SLC39A11: variants seen among roughly 807,000 people sequenced by gnomAD.
The protein encoded by SLC39A11 is solute carrier family 39 member 11.
SLC39A11 carries 33 observed loss-of-function variants against 36.1 expected under a neutral mutation model. That is an observed-to-expected ratio of 0.91 (90% CI 0.69 to 1.22). The LOEUF is 1.22. Among genes scored for constraint, SLC39A11 ranks in the 50% most tolerant of loss-of-function variants. The pLI is 0.00. For synonymous variants in SLC39A11, 166 were observed against 170.3 expected, an observed-to-expected ratio of 0.97 and a Z score of 0.20; for missense variants, 432 against 430.3, an observed-to-expected ratio of 1.00 and a Z score of -0.03.
chr17:72,843,349 G>A (rs183475727), intron 6 of SLC39A11, among the ~76,000 whole-genome samples: 56 of 152,234 alleles, frequency 3.7e-4, no homozygotes, highest in African/African-American at 1.3e-3. Flanking sequence ...GTGGTCTCAA[G>A]GTTTATGTCT....
intron 3 of SLC39A11, among the ~76,000 whole-genome samples, chr17:73,046,308 G>T (rs1338352196): frequency 2.6e-5 from 4 of 152,110 alleles, no homozygotes; most frequent in African/African-American, 9.7e-5. Flanking sequence ...TGAAAATACA[G>T]GTTCTGAAAG....
chr17:73,011,909 G>A (rs1434122743), intron 4 of SLC39A11, among the ~76,000 whole-genome samples: 1 of 150,516 alleles, frequency 6.6e-6, no homozygotes, highest in Non-Finnish European at 1.5e-5. Context: ...TGATCCACAC[G>A]CCTCGGCCTC....
chr17:72,714,067 T>C (rs1165618339), intron 7 of SLC39A11, among the ~76,000 whole-genome samples: 3 of 152,160 alleles, frequency 2.0e-5, no homozygotes, highest in Non-Finnish European at 4.4e-5. Context: ...CTGGGTGCAG[T>C]GGCTCAGGCC....
chr17:72,749,683 G>C (rs747231689), intron 6 of SLC39A11, among the ~76,000 whole-genome samples: 1 of 152,112 alleles, frequency 6.6e-6, no homozygotes, highest in African/African-American at 2.4e-5. Flanking sequence ...GCTTTGCTAA[G>C]TGCCACCCCA....
chr17:73,022,334 C>A (rs904223689), intron 4 of SLC39A11, among the ~76,000 whole-genome samples: 2 of 152,174 alleles, frequency 1.3e-5, no homozygotes, highest in African/African-American at 4.8e-5. Context: ...GTGGCTCATG[C>A]CAGTAATCCC....
intron 6 of SLC39A11, among the ~76,000 whole-genome samples, chr17:72,816,144 T>G (rs1339734858): frequency 1.3e-5 from 2 of 152,232 alleles, no homozygotes; most frequent in Non-Finnish European, 2.9e-5. Context: ...CTTATTTCTG[T>G]AGGCTGAGGA....
intron 6 of SLC39A11, among the ~76,000 whole-genome samples, chr17:72,761,259 C>T (rs2075567321): frequency 2.0e-5 from 3 of 152,090 alleles, no homozygotes; most frequent in Non-Finnish European, 2.9e-5. Context: ...GGATTACAGG[C>T]ACCCGCCACC....
At chr17:72,719,046 C>T (rs967366107) in intron 7 of SLC39A11, among the ~76,000 whole-genome samples, 1 of 151,382 alleles carries the variant, frequency 6.6e-6, no homozygotes, top group Non-Finnish European at 1.5e-5. Flanking sequence ...GAAGACCAGC[C>T]TTGGCAACAT....
At chr17:73,083,565 T>C (rs1201137922) in intron 3 of SLC39A11, among the ~76,000 whole-genome samples, 1 of 152,068 alleles carries the variant, frequency 6.6e-6, no homozygotes, top group Admixed American at 6.5e-5. Flanking sequence ...GCCTGAAAAA[T>C]GGAATCTGAA....
At chr17:72,754,254 A>T (rs2075285122) in intron 6 of SLC39A11, among the ~76,000 whole-genome samples, 1 of 152,038 alleles carries the variant, frequency 6.6e-6, no homozygotes. Context: ...ATGAGGATGC[A>T]AAGGCATACG....
chr17:72,862,075 C>A (rs540342157), intron 5 of SLC39A11, among the ~76,000 whole-genome samples: 3 of 152,180 alleles, frequency 2.0e-5, no homozygotes, highest in African/African-American at 7.2e-5. Flanking sequence ...AAGGGAAATA[C>A]ATCTCTTTCT....
Position 72,796,480 on chromosome 17 carries a change from C to T in SLC39A11, c.601+53154G>A, listed in dbSNP as rs1242144423. 5.9e-5 allele frequency among the ~76,000 whole-genome samples: 9 copies of T among 152,140 alleles called. No homozygotes were observed. In the East Asian group the frequency reaches 9.6e-4, roughly 16 times the overall value. The stretch of plus-strand genomic sequence containing the variant: ...CACCCTCCCCGTGGAGCTGGGCTTC[C>T]AGGATCAACCACACAGCAGTCTGAG... On this transcript the variant is annotated intron_variant, in intron 6 of 9. Transcript: ENST00000255559.
chr17:73,049,607 G>T (rs759910586), intron 3 of SLC39A11, among the ~76,000 whole-genome samples: 5 of 152,220 alleles, frequency 3.3e-5, no homozygotes, highest in Non-Finnish European at 5.9e-5. Flanking sequence ...GGCAGTTAAA[G>T]AATCTCAAAT....
rs547114385 is a variant in SLC39A11, at chr17:72,857,789, G to A, written c.431-7985C>T. On this transcript the variant is annotated intron_variant, in intron 5 of 9. Coordinates refer to ENST00000255559, the MANE Select transcript of SLC39A11 (RefSeq NM_139177.4). The stretch of plus-strand genomic sequence containing the variant: ...GTTGGCCACATCTATGTCTTCTTTC[G>A]AAAAGTGTTCGTGTCCTCTGCTCAC... Among the ~76,000 whole-genome samples, 8 of 152,138 alleles carry A rather than the reference G, an allele frequency of 5.3e-5. No homozygotes were observed. The East Asian group carries it at 1.2e-3, about 22-fold the overall frequency.
chr17:72,887,746 T>C (rs981304256), intron 5 of SLC39A11, among the ~76,000 whole-genome samples: 2 of 151,980 alleles, frequency 1.3e-5, no homozygotes, highest in African/African-American at 2.4e-5. Flanking sequence ...AAATTGTGGC[T>C]ATTTGTGTAC....
At chr17:73,032,458 C>T (rs963492603) in intron 3 of SLC39A11, among the ~76,000 whole-genome samples, 26 of 152,134 alleles carry the variant, frequency 1.7e-4, no homozygotes, top group African/African-American at 5.6e-4. Context: ...CCACCCACCT[C>T]GGCCTCCCAA....
intron 5 of SLC39A11, among the ~76,000 whole-genome samples, chr17:72,868,647 A>G (rs1299861811): frequency 2.0e-5 from 3 of 148,608 alleles, no homozygotes; most frequent in African/African-American, 2.5e-5. Context: ...AAAAAAAAAA[A>G]AAGAAAGAAA....
Position 72,992,272 on chromosome 17 carries a change from T to C in SLC39A11, c.306+39284A>G, listed in dbSNP as rs147256262. ...GGGAGACTGAGGCAGGAGAATTGCT[T>C]GAACCCAGGAGGTGGAGGTGGCAGT... On this transcript the variant is annotated intron_variant, in intron 4 of 9. Transcript: ENST00000255559. 6.7e-3 allele frequency among the ~76,000 whole-genome samples: 1,021 copies of C among 152,284 alleles called. 10 individuals carry two copies. Among genetic ancestry groups the C allele is most frequent in the Non-Finnish European group, 0.011 (769 of 68,024 alleles).
intron 7 of SLC39A11, among the ~76,000 whole-genome samples, chr17:72,681,163 G>A (rs1355372831): frequency 6.6e-6 from 1 of 152,134 alleles, no homozygotes; most frequent in Admixed American, 6.5e-5. Flanking sequence ...CCGACCTCAG[G>A]TGACCCGCCC....
Sources: allele counts gnomAD v4.1 joint callset (sites outside exome capture counted in the v4.1 genomes callset), GRCh38; gene constraint gnomAD v4.1.1; transcripts MANE v1.5; gene names NCBI Gene and HGNC (gene_info 2026-07-23, HGNC 2026-07-21).